Variants in STT3B observed in about 807,000 individuals in gnomAD.
The protein encoded by STT3B is dolichyl-diphosphooligosaccharide--protein glycosyltransferase subunit STT3B.
STT3B carries 29 observed loss-of-function variants against 96.8 expected under a neutral mutation model. That is an observed-to-expected ratio of 0.30 (90% CI 0.22 to 0.41). STT3B has a LOEUF of 0.41. STT3B is among the 10% of genes least tolerant of loss of function. The pLI is 1.00. For missense variants in STT3B, 640 were observed against 1,022.3 expected (o/e 0.63, Z 5.10); for synonymous variants, 367 against 360.0 (o/e 1.02, Z -0.22).
chr3:31,534,345 A>T (rs1326372709), intron 1 of STT3B, among the ~76,000 whole-genome samples: 2 of 152,216 alleles, frequency 1.3e-5, no homozygotes, highest in East Asian at 3.8e-4. Flanking sequence ...AATTATCTAG[A>T]TGGAAAGATT....
chr3:31,533,829 A>G (rs1016997831), intron 1 of STT3B: 2 of 152,468 alleles, frequency 1.3e-5, no homozygotes, highest in African/African-American at 4.8e-5. Flanking sequence ...AGGTGGGTCC[A>G]GATGTGCCGG....
chr3:31,580,293 T>C (rs1698353789), intron 3 of STT3B, among the ~76,000 whole-genome samples, 197 bp downstream of exon 3: 1 of 152,188 alleles, frequency 6.6e-6, no homozygotes, highest in Non-Finnish European at 1.5e-5. Context: ...TAAATATCCT[T>C]TTTAAATAAG....
At position 31,576,444 on chromosome 3, in the gene STT3B, A is replaced by G. The variant is rs1262145649; in HGVS notation, c.363A>G (p.Glu121=). 3.7e-6 allele frequency: 6 copies of G among 1,606,800 alleles called. No homozygotes were observed. Among genetic ancestry groups the G allele is most frequent in the Non-Finnish European group, 5.1e-6 (6 of 1,176,062 alleles). ...THHLASHGFY[E]FLNWFDERAW... ...ATCTTGCATCTCATGGGTTCTATGA[A>G]TTTTTAAATTGGTTTGATGAAAGAG... Residue 121 remains glutamate, a synonymous_variant, in exon 2 of 16, where the codon GAA becomes GAG. Coordinates refer to ENST00000295770, the MANE Select transcript of STT3B (RefSeq NM_178862.3).
chr3:31,588,296 T>A (rs973722643), intron 3 of STT3B, among the ~76,000 whole-genome samples: 2 of 152,098 alleles, frequency 1.3e-5, no homozygotes, highest in Non-Finnish European at 2.9e-5. Context: ...CACTATAATA[T>A]AGGTAATAGA....
intron 6 of STT3B, among the ~76,000 whole-genome samples, chr3:31,616,532 G>A (rs900805771): frequency 6.6e-6 from 1 of 151,692 alleles, no homozygotes; most frequent in African/African-American, 2.4e-5. Context: ...CTGATCCTAA[G>A]TCTTTGTATC....
At chr3:31,598,703 A>T (rs1698849961) in intron 4 of STT3B, among the ~76,000 whole-genome samples, 2 of 152,198 alleles carry the variant, frequency 1.3e-5, no homozygotes, top group Non-Finnish European at 2.9e-5. Context: ...AGAGTAGATA[A>T]GGTAGCATAT....
intron 3 of STT3B, among the ~76,000 whole-genome samples, chr3:31,588,435 G>A (rs1309646315): frequency 1.3e-5 from 2 of 151,916 alleles, no homozygotes; most frequent in East Asian, 1.9e-4. Context: ...AATTCCCTAA[G>A]CCTAATCCAT....
At chr3:31,570,162 G>C (rs1164682071) in intron 1 of STT3B, among the ~76,000 whole-genome samples, 3 of 152,066 alleles carry the variant, frequency 2.0e-5, no homozygotes, top group Non-Finnish European at 4.4e-5. Flanking sequence ...TGTACATACA[G>C]GTGTTTGAGT....
In STT3B at chr3:31,625,016, G is replaced by A; in HGVS notation, c.1830G>A (p.Gln610=). Residue 610 remains glutamine, a synonymous_variant, in exon 12 of 16, where the codon CAG becomes CAA. Transcript: ENST00000295770. ...RVMSWWDYGY[Q]IAGMANRTTL... ...TGTCTTGGTGGGATTATGGCTATCAGATAGCTGGAATGGCTAATAGAACTA... is the reference window on the plus strand; with the variant it reads ...TGTCTTGGTGGGATTATGGCTATCAAATAGCTGGAATGGCTAATAGAACTA... 6.2e-7 allele frequency: 1 copy of A among 1,613,888 alleles called. No individual in the cohort carries two copies. Among genetic ancestry groups the A allele is most frequent in the Non-Finnish European group, 8.5e-7 (1 of 1,179,900 alleles).
intron 15 of STT3B, among the ~76,000 whole-genome samples, chr3:31,635,434 A>G (rs138015250): frequency 2.6e-5 from 4 of 152,328 alleles, no homozygotes; most frequent in African/African-American, 9.6e-5. Flanking sequence ...CTGAAGGAAT[A>G]TTGTTTTGCT....
intron 5 of STT3B, among the ~76,000 whole-genome samples, chr3:31,602,885 T>G (rs4404482): frequency 1.3e-5 from 2 of 152,124 alleles, no homozygotes; most frequent in East Asian, 1.9e-4. Context: ...GTCTGCTTTC[T>G]TAGGGTTTAC....
chr3:31,582,493 C>T (rs369174422), intron 3 of STT3B, among the ~76,000 whole-genome samples: 2 of 151,898 alleles, frequency 1.3e-5, no homozygotes, highest in South Asian at 2.1e-4. Context: ...TGGATTTTCA[C>T]GATGTTGGTC....
At chr3:31,616,129 A>T (rs1332311946) in intron 6 of STT3B, among the ~76,000 whole-genome samples, 1 of 151,948 alleles carries the variant, frequency 6.6e-6, no homozygotes, top group Non-Finnish European at 1.5e-5. Context: ...CTTAGGTTTG[A>T]TGAAGAGTGG....
intron 15 of STT3B, 125 bp downstream of exon 15, chr3:31,633,272 A>G (rs992679514): frequency 4.8e-5 from 39 of 820,152 alleles, no homozygotes; most frequent in Non-Finnish European, 6.0e-5. Context: ...TTCTATATTA[A>G]TACGAAGTAA....
At chr3:31,598,580 G>A (rs1230749636) in intron 4 of STT3B, among the ~76,000 whole-genome samples, 1 of 152,174 alleles carries the variant, frequency 6.6e-6, no homozygotes, top group Admixed American at 6.5e-5. Context: ...ATGTGGGTCC[G>A]AGAAGAAATA....
chr3:31,539,723 C>G (rs899079573), intron 1 of STT3B, among the ~76,000 whole-genome samples: 1 of 152,066 alleles, frequency 6.6e-6, no homozygotes, highest in Non-Finnish European at 1.5e-5. Context: ...GACTTTTAAC[C>G]TTCAATTACT....
intron 12 of STT3B, 135 bp downstream of exon 12, chr3:31,625,220 G>T (rs932815042): frequency 5.9e-5 from 40 of 674,060 alleles, no homozygotes; most frequent in Middle Eastern, 3.4e-4. Context: ...TTACACATAT[G>T]TTCAATAAAG....
chr3:31,534,492 C>T (rs554593942), intron 1 of STT3B, among the ~76,000 whole-genome samples: 5 of 152,162 alleles, frequency 3.3e-5, no homozygotes, highest in Non-Finnish European at 7.3e-5. Flanking sequence ...AATCTTACTT[C>T]CTCACAGTTA....
chr3:31,581,237 G>C (rs1698376596), intron 3 of STT3B, among the ~76,000 whole-genome samples: 1 of 152,048 alleles, frequency 6.6e-6, no homozygotes, highest in South Asian at 2.1e-4. Context: ...TCCTGAGGGT[G>C]GGTGGGTGAT....
Sources: allele counts gnomAD v4.1 joint callset (sites outside exome capture counted in the v4.1 genomes callset), GRCh38; gene constraint gnomAD v4.1.1; transcripts MANE v1.5; gene names NCBI Gene and HGNC (gene_info 2026-07-23, HGNC 2026-07-21).